LYPD6B: variants seen among roughly 807,000 people sequenced by gnomAD.
LYPD6B encodes the protein ly6/PLAUR domain-containing protein 6B.
In LYPD6B, 17 loss-of-function variants were observed where a neutral mutation model predicts 22.8. The ratio of observed to expected loss-of-function variants is 0.75; its 90% confidence interval spans 0.51 to 1.12. The LOEUF (loss-of-function observed/expected upper bound fraction) is 1.12, where lower values mean the gene tolerates loss of function less well. LYPD6B is among the 50% of genes most tolerant of loss of function. The pLI is 0.00. For synonymous variants in LYPD6B, 106 were observed against 91.6 expected (o/e 1.16, Z -0.90); for missense variants, 221 against 258.3 (o/e 0.86, Z 0.99).
At chr2:149,133,031 C>T (rs1688129344) in intron 2 of LYPD6B, among the ~76,000 whole-genome samples, 1 of 151,942 alleles carries the variant, frequency 6.6e-6, no homozygotes, top group South Asian at 2.1e-4. Flanking sequence ...ATTATGTGGC[C>T]CACAGCCTCT....
At chr2:149,143,418 G>A (rs1049196987) in intron 2 of LYPD6B, among the ~76,000 whole-genome samples, 2 of 150,604 alleles carry the variant, frequency 1.3e-5, no homozygotes, top group African/African-American at 2.4e-5. Flanking sequence ...TTCCTATGCT[G>A]AGGATGTGAG....
At chr2:149,144,290 G>T (rs990400555) in intron 2 of LYPD6B, among the ~76,000 whole-genome samples, 1 of 138,134 alleles carries the variant, frequency 7.2e-6, no homozygotes, top group Non-Finnish European at 1.6e-5. Flanking sequence ...AAACAAGAAT[G>T]GGGGTGGGGT....
At chr2:149,039,040 G>C (rs970764345) in intron 1 of LYPD6B, among the ~76,000 whole-genome samples, 6 of 151,848 alleles carry the variant, frequency 4.0e-5, no homozygotes, top group Admixed American at 3.3e-4. Context: ...ACATCTGGAC[G>C]GGACGGGAGC....
chr2:149,162,451 G>T (rs1255480874), intron 3 of LYPD6B, among the ~76,000 whole-genome samples: 1 of 152,154 alleles, frequency 6.6e-6, no homozygotes, highest in Non-Finnish European at 1.5e-5. Flanking sequence ...AGCACTGAAT[G>T]GGGCCAACCC....
chr2:149,153,872 A>G (rs1233888492), intron 2 of LYPD6B, among the ~76,000 whole-genome samples: 1 of 151,986 alleles, frequency 6.6e-6, no homozygotes, highest in Non-Finnish European at 1.5e-5. Flanking sequence ...AAAAGAGAGG[A>G]CAGACATGAT....
intron 2 of LYPD6B, among the ~76,000 whole-genome samples, chr2:149,134,266 C>T (rs779652354): frequency 7.9e-5 from 12 of 152,178 alleles, no homozygotes; most frequent in Non-Finnish European, 1.6e-4. Flanking sequence ...TTCTGATTTA[C>T]AAGTTGGCTA....
chr2:149,148,804 AG>A (rs1689189905), intron 2 of LYPD6B, among the ~76,000 whole-genome samples: 1 of 152,222 alleles, frequency 6.6e-6, no homozygotes, highest in Non-Finnish European at 1.5e-5. Context: ...AATGGCTCAC[AG>A]GTGTGACACG....
chr2:149,189,353 TATATATATATATATACAC>T (rs1368292806), intron 3 of LYPD6B, among the ~76,000 whole-genome samples: 13 of 92,486 alleles, frequency 1.4e-4, no homozygotes, highest in Non-Finnish European at 2.2e-4. Context: ...TATATATATA[TATATATATATATATACAC>T]ACACATATGT....
chr2:149,172,263 C>T (rs1690889096), intron 3 of LYPD6B, among the ~76,000 whole-genome samples: 2 of 152,134 alleles, frequency 1.3e-5, no homozygotes, highest in South Asian at 4.1e-4. Context: ...GATAGCCACC[C>T]CCGTGATTCA....
chr2:149,198,767 A>AT (rs75988787), intron 3 of LYPD6B, among the ~76,000 whole-genome samples: 27,276 of 152,134 alleles, frequency 0.18, 2,601 homozygotes, highest in East Asian at 0.36. Context: ...GCTTGATGAG[A>AT]TTTTTTGTAA....
intron 1 of LYPD6B, among the ~76,000 whole-genome samples, chr2:149,104,505 T>C (rs1403740274): frequency 6.6e-6 from 1 of 152,220 alleles, no homozygotes; most frequent in Non-Finnish European, 1.5e-5. Flanking sequence ...ATTCTTTATG[T>C]GTTATTCATC....
intron 1 of LYPD6B, among the ~76,000 whole-genome samples, chr2:149,071,882 G>A (rs1362683575): frequency 6.6e-6 from 1 of 152,140 alleles, no homozygotes. Flanking sequence ...AGGGCATAAT[G>A]GCATTGGTTG....
intron 1 of LYPD6B, among the ~76,000 whole-genome samples, chr2:149,071,747 A>G (rs1684614264): frequency 6.6e-6 from 1 of 152,180 alleles, no homozygotes; most frequent in Non-Finnish European, 1.5e-5. Flanking sequence ...AGAATAAACA[A>G]TGTCATTTGG....
chr2:149,214,383 G>A (rs369540098), intron 6 of LYPD6B, among the ~76,000 whole-genome samples, 163 bp from the exon 7 acceptor site: 1 of 152,072 alleles, frequency 6.6e-6, no homozygotes. Flanking sequence ...TGGCATTGGT[G>A]GGGGAAGGGT....
chr2:149,092,983 C>T (rs1417997096), intron 1 of LYPD6B, among the ~76,000 whole-genome samples: 1 of 152,166 alleles, frequency 6.6e-6, no homozygotes, highest in Admixed American at 6.5e-5. Context: ...TAGTTGGCAT[C>T]AGCAGGGGAA....
chr2:149,064,561 G>T (rs531378962), intron 1 of LYPD6B, among the ~76,000 whole-genome samples: 22 of 152,332 alleles, frequency 1.4e-4, no homozygotes, highest in African/African-American at 4.3e-4. Context: ...TGTCAAGCAT[G>T]TCATTCCCTT....
chr2:149,090,997 G>A (rs2105439910), intron 1 of LYPD6B, among the ~76,000 whole-genome samples: 2 of 152,230 alleles, frequency 1.3e-5, no homozygotes, highest in East Asian at 1.9e-4. Context: ...GAAAATACGT[G>A]AGTGCCCTGC....
chr2:149,145,033 G>A (rs895250990), intron 2 of LYPD6B, among the ~76,000 whole-genome samples: 2 of 152,166 alleles, frequency 1.3e-5, no homozygotes. Flanking sequence ...AGATTCATAT[G>A]TGCATATTTT....
chr2:149,170,489 T>G (rs1246962600), intron 3 of LYPD6B, among the ~76,000 whole-genome samples: 1 of 102,622 alleles, frequency 9.7e-6, no homozygotes, highest in Non-Finnish European at 2.2e-5. Flanking sequence ...AATGTGAGAC[T>G]GGATTGTCCT....
Sources: allele counts gnomAD v4.1 joint callset (sites outside exome capture counted in the v4.1 genomes callset), GRCh38; gene constraint gnomAD v4.1.1; transcripts MANE v1.5; gene names NCBI Gene and HGNC (gene_info 2026-07-23, HGNC 2026-07-21).